The following PLCG2 variants were observed in gnomAD, a reference collection of about 807,000 sequenced individuals.
PLCG2 encodes phospholipase C gamma 2.
Under a neutral mutation model 175.6 loss-of-function variants are expected in PLCG2, and 69 were observed. That is an observed-to-expected ratio of 0.39 (90% CI 0.32 to 0.48). PLCG2 has a LOEUF of 0.48. Ranked by LOEUF, PLCG2 falls within the 20% of genes least tolerant of loss-of-function variation. The pLI is 0.91. For synonymous variants in PLCG2, 827 were observed against 624.0 expected (o/e 1.33, Z -4.85); for missense variants, 1,798 against 1,650.9 (o/e 1.09, Z -1.54).
At chr16:81,751,181 A>T (rs900164560) in intron 1 of PLCG2, among the ~76,000 whole-genome samples, 7 of 151,202 alleles carry the variant, frequency 4.6e-5, no homozygotes, top group Admixed American at 4.0e-4. Context: ...GGGTTTCACT[A>T]TGTTGGCCAG....
intron 9 of PLCG2, 157 bp downstream of exon 9, chr16:81,883,498 G>C (rs1209966064): frequency 3.2e-6 from 2 of 624,786 alleles, no homozygotes; most frequent in African/African-American, 1.8e-5. Context: ...ATTGCAGTCT[G>C]CCAGATGCCA....
At chr16:81,778,413 T>C (rs115481801), upstream of PLCG2, among the ~76,000 whole-genome samples, 2,124 of 152,228 alleles carry the variant, frequency 0.014, 49 homozygotes, top group African/African-American at 0.046. Flanking sequence ...GAAGTGAAAT[T>C]CAAGTGCCTG....
At chr16:81,811,968 TG>T (rs1597332414) in intron 2 of PLCG2, among the ~76,000 whole-genome samples, 3 of 152,076 alleles carry the variant, frequency 2.0e-5, no homozygotes, top group African/African-American at 7.2e-5. Flanking sequence ...ATGGTTGAAC[TG>T]ATTTACACTC....
At chr16:81,891,361 A>T in intron 10 of PLCG2, 111 bp from the exon 11 acceptor site, 1 of 720,992 alleles carries the variant, frequency 1.4e-6, no homozygotes. Flanking sequence ...CCGCCTGTTG[A>T]TTTCCCGCAT....
chr16:81,835,996 C>T (rs1905495196), intron 2 of PLCG2, among the ~76,000 whole-genome samples: 1 of 152,146 alleles, frequency 6.6e-6, no homozygotes, highest in African/African-American at 2.4e-5. Context: ...CTGCAAAGAC[C>T]CTATTTCCAA....
At chr16:81,817,050 C>G (rs1484177272) in intron 2 of PLCG2, among the ~76,000 whole-genome samples, 2 of 152,144 alleles carry the variant, frequency 1.3e-5, no homozygotes, top group South Asian at 2.1e-4. Context: ...AGAGGCACAA[C>G]CATCACAGTG....
At chr16:81,851,793 G>A (rs918179191) in intron 2 of PLCG2, among the ~76,000 whole-genome samples, 9 of 151,228 alleles carry the variant, frequency 6.0e-5, no homozygotes, top group Admixed American at 3.3e-4. Context: ...GATTACAGGC[G>A]TGGGCCACCA....
chr16:81,752,842 C>T (rs1011489141), intron 1 of PLCG2, among the ~76,000 whole-genome samples: 1 of 152,218 alleles, frequency 6.6e-6, no homozygotes, highest in Non-Finnish European at 1.5e-5. Context: ...GCAGAGCTGC[C>T]AGCAGGGAGA....
At chr16:81,899,857 T>C (rs1184216396) in intron 13 of PLCG2, among the ~76,000 whole-genome samples, 1 of 152,162 alleles carries the variant, frequency 6.6e-6, no homozygotes, top group African/African-American at 2.4e-5. Flanking sequence ...GAAACACACA[T>C]AAAACAACGT....
intron 1 of PLCG2, among the ~76,000 whole-genome samples, chr16:81,785,353 G>A (rs1910921987): frequency 6.6e-6 from 1 of 152,140 alleles, no homozygotes; most frequent in Non-Finnish European, 1.5e-5. Flanking sequence ...TACACAGTCA[G>A]CAGGAACCTT....
intron 2 of PLCG2, among the ~76,000 whole-genome samples, chr16:81,770,176 C>G (rs1910246370): frequency 6.6e-6 from 1 of 152,156 alleles, no homozygotes; most frequent in South Asian, 2.1e-4. Context: ...TCTTCACACA[C>G]TGAACACACC....
At chr16:81,832,172 G>C (rs1230856498) in intron 2 of PLCG2, among the ~76,000 whole-genome samples, 1 of 152,096 alleles carries the variant, frequency 6.6e-6, no homozygotes, top group African/African-American at 2.4e-5. Flanking sequence ...TAAAGCCTTT[G>C]CTCAGTGCCT....
intron 2 of PLCG2, among the ~76,000 whole-genome samples, chr16:81,816,972 C>T (rs955265810): frequency 1.3e-5 from 2 of 152,074 alleles, no homozygotes; most frequent in Non-Finnish European, 2.9e-5. Context: ...TTCCTATGCC[C>T]ATTGCACAGT....
At chr16:81,857,200 C>T (rs193231296) in intron 3 of PLCG2, among the ~76,000 whole-genome samples, 1 of 152,294 alleles carries the variant, frequency 6.6e-6, no homozygotes, top group African/African-American at 2.4e-5. Context: ...TCCGTCATCC[C>T]TCTCTTCTGG....
upstream of PLCG2, among the ~76,000 whole-genome samples, chr16:81,775,701 T>C (rs1910383766): frequency 6.6e-6 from 1 of 152,192 alleles, no homozygotes. Context: ...CAACACAGAA[T>C]ACAAAGAGTC....
chr16:81,905,284 G>A lies in PLCG2; in HGVS notation c.1363-119G>A. On this transcript the variant is annotated intron_variant, in intron 14 of 32. Transcript: ENST00000564138. The stretch of plus-strand genomic sequence containing the variant: ...GCTGAACAGACTAAGAGGGAAGCCA[G>A]GCAGCAAGAACAGGCAGTGCAAAGG... 9 of 688,302 alleles carry A rather than the reference G, an allele frequency of 1.3e-5. No individual in the cohort carries two copies. In the South Asian group the frequency reaches 1.4e-4, roughly 10 times the overall value. 42.6% of individuals were successfully genotyped at this position (688,302 alleles called of 1,614,324 possible). A position where few individuals can be genotyped will look rare whatever the true frequency, so the allele number is the denominator to read the frequency against.
At chr16:81,811,054 C>T (rs924550870) in intron 2 of PLCG2, among the ~76,000 whole-genome samples, 2 of 152,138 alleles carry the variant, frequency 1.3e-5, no homozygotes, top group African/African-American at 4.8e-5. Flanking sequence ...AACCTGTGTA[C>T]CAGAGGGACA....
chr16:81,752,116 C>T (rs897541179), intron 1 of PLCG2, among the ~76,000 whole-genome samples: 4 of 152,094 alleles, frequency 2.6e-5, no homozygotes, highest in Admixed American at 6.6e-5. Flanking sequence ...ATGTAGGCCC[C>T]GTCTATCACG....
intron 2 of PLCG2, among the ~76,000 whole-genome samples, chr16:81,840,243 C>T (rs1905747864): frequency 6.6e-6 from 1 of 152,144 alleles, no homozygotes; most frequent in African/African-American, 2.4e-5. Context: ...TGACAGCTGG[C>T]CCCTGAGCTG....
Sources: allele counts gnomAD v4.1 joint callset (sites outside exome capture counted in the v4.1 genomes callset), GRCh38; gene constraint gnomAD v4.1.1; transcripts MANE v1.5; gene names NCBI Gene and HGNC (gene_info 2026-07-23, HGNC 2026-07-21).